KCNIP1: variants seen among roughly 807,000 people sequenced by gnomAD.
KCNIP1 encodes the protein potassium voltage-gated channel interacting protein 1.
In KCNIP1, 18 loss-of-function variants were observed where a neutral mutation model predicts 33.0. The observed-to-expected ratio is 0.55, with a 90% CI of 0.38 to 0.81. The LOEUF is 0.81. Among genes scored for constraint, KCNIP1 ranks in the 30% least tolerant of loss-of-function variants. KCNIP1 has a pLI of 0.00. For missense variants in KCNIP1, 238 were observed against 271.6 expected (o/e 0.88, Z 0.87); for synonymous variants, 93 against 98.3 (o/e 0.95, Z 0.32).
intron 1 of KCNIP1, among the ~76,000 whole-genome samples, chr5:170,433,031 G>A (rs1755778442): frequency 6.6e-6 from 1 of 152,076 alleles, no homozygotes; most frequent in Non-Finnish European, 1.5e-5. Context: ...GAGGAGACTG[G>A]GCAGGAGGGA....
chr5:170,444,344 C>T (rs981391769), intron 1 of KCNIP1, among the ~76,000 whole-genome samples: 3 of 152,100 alleles, frequency 2.0e-5, no homozygotes, highest in Non-Finnish European at 4.4e-5. Flanking sequence ...AGTGTTGGGC[C>T]GAGTCTTTCT....
intron 1 of KCNIP1, among the ~76,000 whole-genome samples, chr5:170,577,948 T>A (rs572531262): frequency 1.3e-5 from 2 of 152,262 alleles, no homozygotes; most frequent in African/African-American, 2.4e-5. Context: ...TTTTTACAAT[T>A]TTTTGCTATC....
chr5:170,532,333 T>G (rs1755817413), intron 1 of KCNIP1, among the ~76,000 whole-genome samples: 1 of 152,172 alleles, frequency 6.6e-6, no homozygotes, highest in Non-Finnish European at 1.5e-5. Context: ...CTCTCTGGGG[T>G]TGCATTTCCA....
chr5:170,380,929 T>C (rs1053818555), intron 1 of KCNIP1, among the ~76,000 whole-genome samples: 1 of 152,170 alleles, frequency 6.6e-6, no homozygotes, highest in African/African-American at 2.4e-5. Flanking sequence ...AGATGATGCA[T>C]GTAAAGCACT....
chr5:170,561,358 G>A (rs1757028599), intron 1 of KCNIP1, among the ~76,000 whole-genome samples: 1 of 152,214 alleles, frequency 6.6e-6, no homozygotes, highest in East Asian at 1.9e-4. Context: ...GAGTGTGCAG[G>A]GTCCAAAGAG....
At chr5:170,427,952 A>G (rs1755649101) in intron 1 of KCNIP1, among the ~76,000 whole-genome samples, 1 of 152,172 alleles carries the variant, frequency 6.6e-6, no homozygotes, top group Non-Finnish European at 1.5e-5. Flanking sequence ...GGTAGAAAGA[A>G]AATAGTGTTG....
chr5:170,578,603 G>A (rs1050695077), intron 1 of KCNIP1, among the ~76,000 whole-genome samples: 2 of 152,216 alleles, frequency 1.3e-5, no homozygotes, highest in African/African-American at 4.8e-5. Flanking sequence ...TAAGAATGTG[G>A]CATTGGGAAA....
At chr5:170,395,742 G>C (rs2113374426) in intron 1 of KCNIP1, among the ~76,000 whole-genome samples, 1 of 152,324 alleles carries the variant, frequency 6.6e-6, no homozygotes, top group African/African-American at 2.4e-5. Flanking sequence ...GTGAGAGAGA[G>C]CAAGAGAGAG....
chr5:170,735,067 C>G (rs77951148), intron 7 of KCNIP1, among the ~76,000 whole-genome samples: 61 of 152,280 alleles, frequency 4.0e-4, no homozygotes, highest in Non-Finnish European at 6.8e-4. Flanking sequence ...GAATAATGAG[C>G]CAAATAAGCC....
At chr5:170,664,469 C>T (rs1340047943) in intron 1 of KCNIP1, among the ~76,000 whole-genome samples, 5 of 152,144 alleles carry the variant, frequency 3.3e-5, no homozygotes, top group Non-Finnish European at 5.9e-5. Flanking sequence ...GGGTCCCATT[C>T]GTTTCTGTAC....
At position 170,581,566 on chromosome 5, in the gene KCNIP1, C is replaced by CA. The variant is rs767337182; in HGVS notation, c.61+76935dup. ...GCTTTGGACACAGGTGGGGAAGTGA[C>CA]AACCTGTGTACCAAGGGTTTGGCAG... On this transcript the variant is annotated intron_variant, in intron 1 of 7. Coordinates refer to ENST00000328939, the MANE Select transcript of KCNIP1 (RefSeq NM_014592.4). Among the ~76,000 whole-genome samples, 12 of 152,350 alleles carry CA rather than the reference C, an allele frequency of 7.9e-5. 1 individual carries two copies. In the South Asian group the frequency reaches 2.5e-3, roughly 32 times the overall value.
chr5:170,417,905 C>T (rs966661915), intron 1 of KCNIP1, among the ~76,000 whole-genome samples: 2 of 152,208 alleles, frequency 1.3e-5, no homozygotes, highest in African/African-American at 4.8e-5. Flanking sequence ...CCCAGTCTTG[C>T]CCACTAGACG....
intron 1 of KCNIP1, among the ~76,000 whole-genome samples, chr5:170,543,086 A>T (rs1756272855): frequency 6.6e-6 from 1 of 152,156 alleles, no homozygotes; most frequent in Non-Finnish European, 1.5e-5. Context: ...AAGGGTACTG[A>T]TCCCATTCAT....
chr5:170,587,008 G>T (rs566084848), intron 1 of KCNIP1, among the ~76,000 whole-genome samples: 1 of 152,304 alleles, frequency 6.6e-6, no homozygotes, highest in African/African-American at 2.4e-5. Flanking sequence ...TGCAAGTAAA[G>T]GTGCCAGCCC....
At chr5:170,634,308 A>G (rs1336409078) in intron 1 of KCNIP1, among the ~76,000 whole-genome samples, 2 of 152,196 alleles carry the variant, frequency 1.3e-5, no homozygotes, top group East Asian at 1.9e-4. Flanking sequence ...GCATCCATTC[A>G]GTCCCCTGGA....
chr5:170,606,417 T>C (rs1037909973), intron 1 of KCNIP1, among the ~76,000 whole-genome samples: 1 of 152,220 alleles, frequency 6.6e-6, no homozygotes, highest in Admixed American at 6.5e-5. Context: ...CTTGTTTTTA[T>C]GGTCCTTCCA....
At chr5:170,456,713 C>CTTTCTTTCTTTCTTTCTTTCTTTCTT (rs1756389309) in intron 1 of KCNIP1, among the ~76,000 whole-genome samples, 1 of 149,264 alleles carries the variant, frequency 6.7e-6, no homozygotes, top group African/African-American at 2.5e-5. Context: ...TTCTTTCTTT[C>CTTTCTTTCTTTCTTTCTTTCTTTCTT]TTTCTTTCTT....
At chr5:170,593,339 AC>A (rs1347444303) in intron 1 of KCNIP1, among the ~76,000 whole-genome samples, 1 of 152,106 alleles carries the variant, frequency 6.6e-6, no homozygotes, top group Non-Finnish European at 1.5e-5. Context: ...TCAGGGGGTC[AC>A]CTCACCTCCT....
chr5:170,487,157 T>G (rs1272465117), intron 1 of KCNIP1, among the ~76,000 whole-genome samples: 3 of 152,124 alleles, frequency 2.0e-5, no homozygotes, highest in African/African-American at 7.2e-5. Context: ...AATTCAAAAT[T>G]GGCAGGGCAA....
Sources: allele counts gnomAD v4.1 joint callset (sites outside exome capture counted in the v4.1 genomes callset), GRCh38; gene constraint gnomAD v4.1.1; transcripts MANE v1.5; gene names NCBI Gene and HGNC (gene_info 2026-07-23, HGNC 2026-07-21).